LIPF: variants seen among roughly 807,000 people sequenced by gnomAD.
The protein encoded by LIPF is lipase F, gastric type, also known as gastric triacylglycerol lipase.
Under a neutral mutation model 38.0 loss-of-function variants are expected in LIPF, and 25 were observed. The observed-to-expected ratio is 0.66, with a 90% CI of 0.48 to 0.92. The LOEUF is 0.92. Among genes scored for constraint, LIPF ranks in the 40% least tolerant of loss-of-function variants. LIPF has a pLI of 0.00. For missense variants in LIPF, 410 were observed against 469.9 expected (o/e 0.87, Z 1.18); for synonymous variants, 161 against 156.2 (o/e 1.03, Z -0.23).
At chr10:88,672,432 G>A (rs934220152) in intron 6 of LIPF, among the ~76,000 whole-genome samples, 1 of 152,216 alleles carries the variant, frequency 6.6e-6, no homozygotes, top group African/African-American at 2.4e-5. Flanking sequence ...AACACCTTGA[G>A]ATCTCTCATG....
At chr10:88,673,074 T>C (rs1841628751) in intron 6 of LIPF, among the ~76,000 whole-genome samples, 1 of 152,156 alleles carries the variant, frequency 6.6e-6, no homozygotes, top group South Asian at 2.1e-4. Flanking sequence ...TGTTTCCTCG[T>C]GTATAAAATA....
At chr10:88,674,448 G>A (rs1028802799) in intron 7 of LIPF, among the ~76,000 whole-genome samples, 1 of 152,020 alleles carries the variant, frequency 6.6e-6, no homozygotes, top group Non-Finnish European at 1.5e-5. Flanking sequence ...GATTACAGGC[G>A]TGAGCCACCA....
rs1340095423 is a variant in LIPF, at chr10:88,676,280, G to C, written c.960G>C (p.Gln320His). 6.3e-7 allele frequency: 1 copy of C among 1,578,488 alleles called. No individual in the cohort carries two copies. The highest frequency in any genetic ancestry group is 8.7e-7 in the Non-Finnish European group (1 of 1,155,974). The change falls in exon 9 of 10, where the codon CAG (glutamine) becomes CAC (histidine). Residue 320 changes from glutamine to histidine, a missense_variant and splice_region_variant. Transcript: ENST00000238983. ...TTCAGAATAGGATGCACTATGATCA[G>C]GTAAGCTTCTTAAAGATGGAATTAT... ...SPVQNRMHYD[Q>H]SQPPYYNVTA...
In LIPF at chr10:88,669,874, A is replaced by C; in HGVS notation, c.460A>C (p.Ile154Leu). ...EMAKYDLPAT[I>L]DFIVKKTGQK... ...GGCTAAATATGACCTTCCAGCCACA[A>C]TCGACTTCATTGTAAAGAAAACTGG... Residue 154 changes from isoleucine to leucine, a missense_variant, in exon 5 of 10, where the codon ATC becomes CTC. Coordinates refer to ENST00000238983, the MANE Select transcript of LIPF (RefSeq NM_004190.4). The C allele has an allele frequency of 1.2e-6, 2 of 1,613,604 alleles. No homozygotes were observed. Among genetic ancestry groups the C allele is most frequent in the Non-Finnish European group, 1.7e-6 (2 of 1,179,610 alleles).
chr10:88,668,144 ACAGG>A (rs1028083163), intron 3 of LIPF, among the ~76,000 whole-genome samples: 5 of 152,136 alleles, frequency 3.3e-5, no homozygotes, highest in Non-Finnish European at 7.4e-5. Flanking sequence ...CTAAACACAT[ACAGG>A]CTAATTTTCA....
At chr10:88,672,666 A>ACTCTCT (rs1345269877) in intron 6 of LIPF, among the ~76,000 whole-genome samples, 452 of 121,856 alleles carry the variant, frequency 3.7e-3, no homozygotes, top group African/African-American at 0.013. Flanking sequence ...ACACACACAC[A>ACTCTCT]CACACTCTCT....
chr10:88,673,587 G>A lies in LIPF; in HGVS notation c.670-1G>A. 1 of 1,606,254 alleles carries A rather than the reference G, an allele frequency of 6.2e-7. No individual in the cohort carries two copies. The highest frequency in any genetic ancestry group is 8.5e-7 in the Non-Finnish European group (1 of 1,176,080). On this transcript the variant is annotated splice_acceptor_variant, in intron 6 of 9. Transcript: ENST00000238983. LOFTEE classifies it high-confidence loss of function. ...CCTCTAATAGTGCCTTTATTTTTCA[G>A]TTTATATTTGGTGACAAAATATTCT... is the stretch of plus-strand genomic sequence containing the variant.
rs75488645 is a variant in LIPF at position 88,677,513 on chromosome 10, G to A, written c.961-932G>A. Reference sequence around the variant, plus strand: ...TAATAGGATGTAAGTAAAATAAGCTGGGTTTATAATTATGAATATTCTCCA... The same window carrying A: ...TAATAGGATGTAAGTAAAATAAGCTAGGTTTATAATTATGAATATTCTCCA... On this transcript the variant is annotated intron_variant, in intron 9 of 9. Coordinates refer to ENST00000238983, the MANE Select transcript of LIPF (RefSeq NM_004190.4). 7.9e-3 allele frequency among the ~76,000 whole-genome samples: 1,206 copies of A among 152,126 alleles called. 15 individuals are homozygous for A. Among genetic ancestry groups the A allele is most frequent in the African/African-American group, 0.027 (1,136 of 41,484 alleles).
intron 6 of LIPF, 35 bp from the exon 7 acceptor site, chr10:88,673,553 T>G (rs1328174521): frequency 6.5e-7 from 1 of 1,542,436 alleles, no homozygotes; most frequent in Admixed American, 1.9e-5. Flanking sequence ...GCAGCTTGAT[T>G]GCTACAACCC....
At position 88,668,116 on chromosome 10, in the gene LIPF, C is replaced by A. The variant is rs114383508; in HGVS notation, c.223+430C>A. Among the ~76,000 whole-genome samples, 579 of 151,998 alleles carry A rather than the reference C, an allele frequency of 3.8e-3. 2 individuals carry two copies. The highest frequency in any genetic ancestry group is 0.013 in the African/African-American group (545 of 41,416). ...TGTTGCAGAGGGGAAGATGGGGAAC[C>A]AATTCAAGGCTCATTTCCTAAACAC... On this transcript the variant is annotated intron_variant, in intron 3 of 9. Transcript: ENST00000238983.
chr10:88,674,415 G>T (rs1035332952), intron 7 of LIPF, among the ~76,000 whole-genome samples: 12 of 151,984 alleles, frequency 7.9e-5, no homozygotes, highest in Admixed American at 7.9e-4. Context: ...TGATCCACAC[G>T]CCTCAGCTTC....
At chr10:88,667,748 C>T (rs1380637736) in intron 3 of LIPF, 62 bp downstream of exon 3, 1 of 709,128 alleles carries the variant, frequency 1.4e-6, no homozygotes, top group East Asian at 2.6e-5. Flanking sequence ...CTTTCTTCTT[C>T]CTTCCCTCTC....
At chr10:88,664,712 A>T (rs1841486482) in intron 1 of LIPF, among the ~76,000 whole-genome samples, 1 of 152,140 alleles carries the variant, frequency 6.6e-6, no homozygotes, top group Non-Finnish European at 1.5e-5. Flanking sequence ...TTTGTTTATT[A>T]TTGCAATTAG....
At position 88,678,715 on chromosome 10, in the gene LIPF, C is replaced by A; in HGVS notation, c.*34C>A. On this transcript the variant is annotated 3_prime_UTR_variant, in exon 10 of 10. Coordinates refer to ENST00000238983, the MANE Select transcript of LIPF (RefSeq NM_004190.4). The stretch of plus-strand genomic sequence containing the variant: ...TTAAAGAATTATCCGTTTGTTTTTC[C>A]AAAATACTTTATTCTCTCATACATA... 1 of 1,404,010 alleles carries A rather than the reference C, an allele frequency of 7.1e-7. No homozygotes were observed. The highest frequency in any genetic ancestry group is 1.0e-6 in the Non-Finnish European group (1 of 992,400). The allele number at this position is 1,404,010 out of a possible 1,614,324, so 87.0% of individuals were successfully genotyped here.
rs1161014060 is a variant in LIPF at position 88,678,079 on chromosome 10, C to G, written c.961-366C>G. Reference sequence around the variant, plus strand: ...CATTTCCCTTAGCTTGAGTTGCAATCTATGTTCTTAATTTGTAAGACTTAC... The same window carrying G: ...CATTTCCCTTAGCTTGAGTTGCAATGTATGTTCTTAATTTGTAAGACTTAC... On this transcript the variant is annotated intron_variant, in intron 9 of 9. Transcript: ENST00000238983. Among the ~76,000 whole-genome samples the G allele has an allele frequency of 5.3e-5, 8 of 152,284 alleles. No homozygotes were observed. The East Asian group carries it at 1.5e-3, about 29-fold the overall frequency.
Position 88,673,578 on chromosome 10 carries a change from T to C in LIPF, c.670-10T>C. 1 of 1,603,746 alleles carries C rather than the reference T, an allele frequency of 6.2e-7. No individual in the cohort carries two copies. Reference sequence around the variant, plus strand: ...TGCTACAACCCTCTAATAGTGCCTTTATTTTTCAGTTTATATTTGGTGACA... The same window carrying C: ...TGCTACAACCCTCTAATAGTGCCTTCATTTTTCAGTTTATATTTGGTGACA... On this transcript the variant is annotated splice_polypyrimidine_tract_variant and intron_variant, in intron 6 of 9. Coordinates refer to ENST00000238983, the MANE Select transcript of LIPF (RefSeq NM_004190.4).
intron 1 of LIPF, 46 bp downstream of exon 1, chr10:88,664,537 A>T (rs2134629876): frequency 2.0e-5 from 3 of 152,572 alleles, no homozygotes; most frequent in South Asian, 4.2e-4. Flanking sequence ...GAATTATTAG[A>T]TTTTTTCTTT....
intron 7 of LIPF, 128 bp downstream of exon 7, chr10:88,673,862 G>C (rs968550312): frequency 4.0e-5 from 29 of 719,918 alleles, no homozygotes; most frequent in Admixed American, 2.6e-5. Flanking sequence ...ATAAACATGA[G>C]AGAAATCACA....
In LIPF at chr10:88,665,428, T is replaced by C. The variant is rs950360181; in HGVS notation, c.-12+937T>C. 7.8e-6 allele frequency: 6 copies of C among 773,216 alleles called. No homozygotes were observed. In the East Asian group the frequency reaches 1.6e-4, roughly 21 times the overall value. The allele number at this position is 773,216 out of a possible 1,614,324, so 47.9% of individuals were successfully genotyped here. ...CACGTATACCATGTTGAACACACAG[T>C]ACAGCACACAGTGAGTCCTCTGTAT... is the stretch of plus-strand genomic sequence containing the variant. On this transcript the variant is annotated intron_variant, in intron 1 of 9. Coordinates refer to ENST00000238983, the MANE Select transcript of LIPF (RefSeq NM_004190.4).
Sources: allele counts gnomAD v4.1 joint callset (sites outside exome capture counted in the v4.1 genomes callset), GRCh38; gene constraint gnomAD v4.1.1; transcripts MANE v1.5; gene names NCBI Gene and HGNC (gene_info 2026-07-23, HGNC 2026-07-21).